The following DAPP1 variants were observed in gnomAD, a reference collection of about 807,000 sequenced individuals.
The protein encoded by DAPP1 is dual adaptor of phosphotyrosine and 3-phosphoinositides 1, also known as dual adapter for phosphotyrosine and 3-phosphotyrosine and 3-phosphoinositide.
Under a neutral mutation model 41.5 loss-of-function variants are expected in DAPP1, and 20 were observed. That is an observed-to-expected ratio of 0.48 (90% CI 0.34 to 0.70). The LOEUF is 0.70. Ranked by LOEUF, DAPP1 falls within the 30% of genes least tolerant of loss-of-function variation. DAPP1 has a pLI of 0.01. For missense variants in DAPP1, 233 were observed against 333.4 expected (o/e 0.70, Z 2.35); for synonymous variants, 113 against 116.2 (o/e 0.97, Z 0.18).
In DAPP1 at chr4:99,869,132, A is replaced by C. The variant is rs1341029578; in HGVS notation, c.*947A>C. ...ATTAGTTGTATAGGGTTGGCCCAAGAGATGTAAGAAAAATCTCGCATTGCT... is the reference window on the plus strand; with the variant it reads ...ATTAGTTGTATAGGGTTGGCCCAAGCGATGTAAGAAAAATCTCGCATTGCT... On this transcript the variant is annotated 3_prime_UTR_variant, in exon 9 of 9. Transcript: ENST00000512369. 6.6e-6 allele frequency: 1 copy of C among 152,204 alleles called. No individual in the cohort carries two copies. Among genetic ancestry groups the C allele is most frequent in the African/African-American group, 2.4e-5 (1 of 41,460 alleles). The allele number at this position is 152,204 out of a possible 1,614,324, so 9.4% of individuals were successfully genotyped here. A position where few individuals can be genotyped will look rare whatever the true frequency, so the allele number is the denominator to read the frequency against.
In DAPP1 at chr4:99,840,322, A is replaced by G; in HGVS notation, c.258A>G (p.Glu86=). 8 of 1,598,990 alleles carry G rather than the reference A, an allele frequency of 5.0e-6. No homozygotes were observed. Among genetic ancestry groups the G allele is most frequent in the Non-Finnish European group, 6.8e-6 (8 of 1,171,138 alleles). ...ATTCTGTTAAACACTTTCATGTTGAATATACTGGATATTCATTTAAATTTG... is the reference window on the plus strand; with the variant it reads ...ATTCTGTTAAACACTTTCATGTTGAGTATACTGGATATTCATTTAAATTTG... ...AKDSVKHFHV[E]YTGYSFKFGF... Residue 86 remains glutamate, a synonymous_variant, in exon 3 of 9, where the codon GAA becomes GAG. Transcript: ENST00000512369.
intron 2 of DAPP1, among the ~76,000 whole-genome samples, chr4:99,837,020 G>A (rs553326216): frequency 2.9e-4 from 44 of 152,102 alleles, no homozygotes; most frequent in African/African-American, 9.9e-4. Context: ...ACTCCTAGAC[G>A]CCACCCACAG....
chr4:99,855,509 T>C (rs1724015468), intron 4 of DAPP1, among the ~76,000 whole-genome samples: 1 of 152,192 alleles, frequency 6.6e-6, no homozygotes, highest in African/African-American at 2.4e-5. Flanking sequence ...TGGATTCACC[T>C]CTTTTAAAAT....
In DAPP1 at chr4:99,862,748, A is replaced by T. The variant is rs80040652; in HGVS notation, c.538-262A>T. 4.3e-5 allele frequency among the ~76,000 whole-genome samples: 3 copies of T among 69,648 alleles called. 1 individual carries two copies. Among genetic ancestry groups the T allele is most frequent in the Non-Finnish European group, 9.4e-5 (3 of 32,064 alleles). The allele number at this position is 69,648 out of a possible 152,430, so 45.7% of individuals were successfully genotyped here. A position where few individuals can be genotyped will look rare whatever the true frequency, so the allele number is the denominator to read the frequency against. ...ATTATGAGCTTAATGCATGAAATTA[A>T]TTTTTATAGATATTTTGAAACTTTT... On this transcript the variant is annotated intron_variant, in intron 5 of 8. Coordinates refer to ENST00000512369, the MANE Select transcript of DAPP1 (RefSeq NM_014395.3).
intron 1 of DAPP1, among the ~76,000 whole-genome samples, chr4:99,819,541 C>T (rs956594306): frequency 2.6e-5 from 4 of 152,108 alleles, no homozygotes; most frequent in Admixed American, 2.6e-4. Context: ...GAACATAACT[C>T]GAACATTATA....
intron 1 of DAPP1, among the ~76,000 whole-genome samples, chr4:99,826,296 G>A (rs752349951): frequency 4.6e-5 from 7 of 152,160 alleles, no homozygotes; most frequent in Non-Finnish European, 8.8e-5. Context: ...TCATATAAAA[G>A]TGAGAACAAC....
intron 2 of DAPP1, 48 bp downstream of exon 2, chr4:99,835,793 C>T (rs1560693400): frequency 6.3e-7 from 1 of 1,594,656 alleles, no homozygotes; most frequent in East Asian, 2.2e-5. Context: ...TCCTCTGTCA[C>T]TTACTGACTT....
At position 99,853,193 on chromosome 4, in the gene DAPP1, T is replaced by C. The variant is rs753290740; in HGVS notation, c.359-25T>C. On this transcript the variant is annotated intron_variant, in intron 3 of 8. Coordinates refer to ENST00000512369, the MANE Select transcript of DAPP1 (RefSeq NM_014395.3). ...CCTTCCTTCTGGGAACACTGTTCGATTATATATTTTTCATCTTCATTCAGG... is the reference window on the plus strand; with the variant it reads ...CCTTCCTTCTGGGAACACTGTTCGACTATATATTTTTCATCTTCATTCAGG... The C allele has an allele frequency of 3.1e-6, 5 of 1,613,180 alleles. No individual in the cohort carries two copies. The East Asian group carries it at 8.9e-5, about 29-fold the overall frequency.
intron 3 of DAPP1, among the ~76,000 whole-genome samples, chr4:99,852,582 C>G (rs796357426): frequency 6.6e-6 from 1 of 152,162 alleles, no homozygotes; most frequent in African/African-American, 2.4e-5. Flanking sequence ...CTTGTGAGCA[C>G]CAGCTTGTTC....
chr4:99,853,176 C>T, intron 3 of DAPP1, 42 bp from the exon 4 acceptor site: 2 of 1,606,592 alleles, frequency 1.2e-6, no homozygotes, highest in Non-Finnish European at 1.7e-6. Context: ...GACCTTCCTT[C>T]TGGGAACACT....
intron 2 of DAPP1, among the ~76,000 whole-genome samples, chr4:99,837,053 G>A (rs993958932): frequency 4.6e-5 from 7 of 152,194 alleles, no homozygotes; most frequent in Non-Finnish European, 1.0e-4. Context: ...TGGCACCCAT[G>A]GCTGTTTACC....
At chr4:99,858,072 C>A in intron 4 of DAPP1, among the ~76,000 whole-genome samples, 1 of 152,154 alleles carries the variant, frequency 6.6e-6, no homozygotes, top group Admixed American at 6.5e-5. Context: ...CATTTGCCTG[C>A]GTGACCAGAT....
downstream of DAPP1, among the ~76,000 whole-genome samples, chr4:99,872,331 C>A (rs1310561891): frequency 1.3e-5 from 2 of 151,972 alleles, no homozygotes; most frequent in Admixed American, 6.5e-5. Context: ...GTAAGTCACA[C>A]CATTTTTTTT....
At chr4:99,833,542 T>A (rs1723194041) in intron 1 of DAPP1, among the ~76,000 whole-genome samples, 1 of 152,250 alleles carries the variant, frequency 6.6e-6, no homozygotes, top group Non-Finnish European at 1.5e-5. Context: ...TGGATATCAG[T>A]GTGGTTCATG....
In DAPP1 at chr4:99,857,017, A is replaced by G. The variant is rs549798255; in HGVS notation, c.489+3669A>G. ...TACTTTAAATATCAGTCTGCAGCAA[A>G]GAACTGTTAATGCCTTGCTCATAAG... On this transcript the variant is annotated intron_variant, in intron 4 of 8. Transcript: ENST00000512369. Among the ~76,000 whole-genome samples the G allele has an allele frequency of 2.0e-5, 3 of 152,338 alleles. No homozygotes were observed. The South Asian group carries it at 6.2e-4, about 32-fold the overall frequency.
intron 8 of DAPP1, among the ~76,000 whole-genome samples, chr4:99,867,465 G>A (rs999609813): frequency 2.0e-5 from 3 of 152,252 alleles, no homozygotes; most frequent in Non-Finnish European, 2.9e-5. Flanking sequence ...CCTTCAGAAC[G>A]GATACAATGA....
chr4:99,869,131 G>A lies in DAPP1; in HGVS notation c.*946G>A, dbSNP rs1303690493. 1 of 152,180 alleles carries A rather than the reference G, an allele frequency of 6.6e-6. No homozygotes were observed. Among genetic ancestry groups the A allele is most frequent in the African/African-American group, 2.4e-5 (1 of 41,450 alleles). 9.4% of individuals were successfully genotyped at this position (152,180 alleles called of 1,614,324 possible). ...AATTAGTTGTATAGGGTTGGCCCAAGAGATGTAAGAAAAATCTCGCATTGC... is the reference window on the plus strand; with the variant it reads ...AATTAGTTGTATAGGGTTGGCCCAAAAGATGTAAGAAAAATCTCGCATTGC... On this transcript the variant is annotated 3_prime_UTR_variant, in exon 9 of 9. Transcript: ENST00000512369.
intron 1 of DAPP1, among the ~76,000 whole-genome samples, chr4:99,826,558 C>T (rs986381159): frequency 6.6e-6 from 1 of 152,168 alleles, no homozygotes; most frequent in African/African-American, 2.4e-5. Context: ...ATTTTGTCAT[C>T]AAGAAATATA....
chr4:99,821,988 C>A (rs3775499), intron 1 of DAPP1, among the ~76,000 whole-genome samples: 82,163 of 152,024 alleles, frequency 0.54, 22,641 homozygotes, highest in African/African-American at 0.65. Flanking sequence ...CTGTTTACAG[C>A]GGTGTGACAC....
Sources: allele counts gnomAD v4.1 joint callset (sites outside exome capture counted in the v4.1 genomes callset), GRCh38; gene constraint gnomAD v4.1.1; transcripts MANE v1.5; gene names NCBI Gene and HGNC (gene_info 2026-07-23, HGNC 2026-07-21).